Variants in CDH4 observed in about 807,000 individuals in gnomAD.
CDH4 encodes the protein cadherin 4.
Under a neutral mutation model 86.0 loss-of-function variants are expected in CDH4, and 33 were observed. The ratio of observed to expected loss-of-function variants is 0.38; its 90% confidence interval spans 0.29 to 0.51. CDH4 has a LOEUF of 0.51. Among genes scored for constraint, CDH4 ranks in the 20% least tolerant of loss-of-function variants. The probability of loss-of-function intolerance (pLI) is 0.86; values close to 1 mark genes in which losing one functional copy is unlikely to be tolerated. For missense variants in CDH4, 1,114 were observed against 1,307.4 expected, an observed-to-expected ratio of 0.85 and a Z score of 2.28; for synonymous variants, 555 against 549.4, an observed-to-expected ratio of 1.01 and a Z score of -0.14.
intron 2 of CDH4, among the ~76,000 whole-genome samples, chr20:61,545,283 C>G (rs899409185): frequency 1.3e-5 from 2 of 152,266 alleles, no homozygotes; most frequent in African/African-American, 4.8e-5. Context: ...GTGGCCATGT[C>G]CAACATGCGT....
chr20:61,877,128 C>T (rs1028680659), intron 7 of CDH4, among the ~76,000 whole-genome samples: 1 of 152,120 alleles, frequency 6.6e-6, no homozygotes, highest in Non-Finnish European at 1.5e-5. Flanking sequence ...TGTCAAGGCC[C>T]GTGATAGGGA....
chr20:61,681,763 G>A lies in CDH4; in HGVS notation c.170-61800G>A, dbSNP rs1278423043. Among the ~76,000 whole-genome samples, 8 of 152,214 alleles carry A rather than the reference G, an allele frequency of 5.3e-5. No homozygotes were observed. Among genetic ancestry groups the A allele is most frequent in the Non-Finnish European group, 1.2e-4 (8 of 68,044 alleles). On this transcript the variant is annotated intron_variant, in intron 2 of 15. Transcript: ENST00000614565. The surrounding 1 kb of genome is among the most constrained non-coding windows in gnomAD (Gnocchi z 4.5). Reference sequence around the variant, plus strand: ...TAGAAAGCCCTGCGTCGGTGTTGCTGTGTTCTCAGGCCCGTGCAGCTGACA... The same window carrying A: ...TAGAAAGCCCTGCGTCGGTGTTGCTATGTTCTCAGGCCCGTGCAGCTGACA...
chr20:61,429,948 G>A (rs2085236875), intron 2 of CDH4, among the ~76,000 whole-genome samples: 1 of 152,238 alleles, frequency 6.6e-6, no homozygotes, highest in Non-Finnish European at 1.5e-5. Flanking sequence ...CAAAATTTCA[G>A]GCATATTTGT....
intron 2 of CDH4, among the ~76,000 whole-genome samples, chr20:61,691,131 A>G (rs934509907): frequency 3.3e-5 from 5 of 152,090 alleles, no homozygotes; most frequent in Admixed American, 3.3e-4. Flanking sequence ...GCCAGCAGGG[A>G]CATGATTTAC....
chr20:61,692,197 TTGTG>T lies in CDH4; in HGVS notation c.170-51362_170-51359del, dbSNP rs373105888. Among the ~76,000 whole-genome samples, 92 of 150,582 alleles carry T rather than the reference TTGTG, an allele frequency of 6.1e-4. 1 individual carries two copies. The highest frequency in any genetic ancestry group is 4.0e-3 in the Admixed American group (61 of 15,202). On this transcript the variant is annotated intron_variant, in intron 2 of 15. Transcript: ENST00000614565. ...TGTGTTTATATGTGTCTGTATATGT[TTGTG>T]TGTATGTCTATGTATGTATGTGTGT...
intron 7 of CDH4, among the ~76,000 whole-genome samples, chr20:61,884,364 G>A (rs536507997): frequency 3.2e-4 from 49 of 152,344 alleles, no homozygotes; most frequent in African/African-American, 1.1e-3. Context: ...CTAAGGGGCC[G>A]GGTCCCTGGT....
chr20:61,589,401 TA>T (rs2086501207), intron 2 of CDH4, among the ~76,000 whole-genome samples: 2 of 152,228 alleles, frequency 1.3e-5, no homozygotes, highest in African/African-American at 4.8e-5. Context: ...TGTGAAAGGG[TA>T]ATGATCGAGC....
intron 2 of CDH4, among the ~76,000 whole-genome samples, chr20:61,296,325 G>A (rs1363192907): frequency 2.8e-5 from 4 of 145,110 alleles, no homozygotes; most frequent in Non-Finnish European, 6.0e-5. Flanking sequence ...GCATGCGTGC[G>A]TGTGTGTGTG....
intron 9 of CDH4, among the ~76,000 whole-genome samples, chr20:61,919,486 C>T (rs776556738): frequency 1.3e-5 from 2 of 152,250 alleles, no homozygotes; most frequent in African/African-American, 4.8e-5. Flanking sequence ...TGGCCTTTTC[C>T]GCTCCACTGT....
At chr20:61,653,650 G>A (rs1282827646) in intron 2 of CDH4, among the ~76,000 whole-genome samples, 1 of 76,218 alleles carries the variant, frequency 1.3e-5, no homozygotes, top group Non-Finnish European at 3.4e-5. Flanking sequence ...CGGGCTGAGG[G>A]GCTCCTCACT....
intron 2 of CDH4, among the ~76,000 whole-genome samples, chr20:61,627,681 G>A (rs2086841747): frequency 1.3e-5 from 2 of 151,898 alleles, no homozygotes; most frequent in Admixed American, 1.3e-4. Flanking sequence ...CCCTGGTTGG[G>A]ACAGCAGTGC....
chr20:61,728,998 C>T (rs1404160316), intron 2 of CDH4, among the ~76,000 whole-genome samples: 9 of 152,238 alleles, frequency 5.9e-5, no homozygotes, highest in East Asian at 3.9e-4. Context: ...AGGGCAGCAG[C>T]GGTGCCCCGA....
At chr20:61,567,662 C>T (rs2086310102) in intron 2 of CDH4, among the ~76,000 whole-genome samples, 1 of 152,222 alleles carries the variant, frequency 6.6e-6, no homozygotes, top group Non-Finnish European at 1.5e-5. Flanking sequence ...CTGGAAGGAG[C>T]AGGGCAGAGG....
chr20:61,678,546 C>T (rs934940344), intron 2 of CDH4, among the ~76,000 whole-genome samples: 1 of 152,224 alleles, frequency 6.6e-6, no homozygotes, highest in Non-Finnish European at 1.5e-5. Flanking sequence ...AACGCAGTTT[C>T]TGGGTGCCCG....
At chr20:61,714,370 A>G (rs1272932730) in intron 2 of CDH4, among the ~76,000 whole-genome samples, 1 of 152,074 alleles carries the variant, frequency 6.6e-6, no homozygotes, top group East Asian at 1.9e-4. Flanking sequence ...TTAACAGAAC[A>G]CCTGGGACTG....
At chr20:61,373,091 C>T (rs774187750) in intron 2 of CDH4, among the ~76,000 whole-genome samples, 1 of 152,266 alleles carries the variant, frequency 6.6e-6, no homozygotes, top group Non-Finnish European at 1.5e-5. Context: ...CCAGAGCCCA[C>T]ATTGCTGCAA....
intron 2 of CDH4, among the ~76,000 whole-genome samples, chr20:61,385,585 T>C (rs1261855658): frequency 6.6e-6 from 1 of 152,162 alleles, no homozygotes; most frequent in African/African-American, 2.4e-5. Flanking sequence ...CCCTACCATA[T>C]TGCCAAACGC....
intron 3 of CDH4, among the ~76,000 whole-genome samples, 178 bp downstream of exon 3, chr20:61,743,967 G>T (rs966934673): frequency 3.3e-5 from 5 of 152,228 alleles, no homozygotes; most frequent in African/African-American, 1.2e-4. Flanking sequence ...CCTGAGGCAG[G>T]GCCGTCATTG....
At chr20:61,604,615 G>A (rs12162444) in intron 2 of CDH4, among the ~76,000 whole-genome samples, 6,790 of 152,230 alleles carry the variant, frequency 0.045, 290 homozygotes, top group East Asian at 0.16. Flanking sequence ...GGCTTGGGAG[G>A]TGTCTCGGTG....
Sources: gnomAD v4.1 joint callset for allele counts (sites outside exome capture counted in the v4.1 genomes callset) on GRCh38, gnomAD v4.1.1 for gene constraint, Gnocchi (gnomAD v3.1) non-coding constraint, MANE v1.5 for transcripts, NCBI Gene and HGNC (gene_info 2026-07-23, HGNC 2026-07-21) for gene names.